DNAH7: variants seen among roughly 807,000 people sequenced by gnomAD.
The protein encoded by DNAH7 is dynein axonemal heavy chain 7, also known as axonemal beta dynein heavy chain 7.
In DNAH7, 397 loss-of-function variants were observed where a neutral mutation model predicts 444.6. That is an observed-to-expected ratio of 0.89 (90% CI 0.82 to 0.97). The LOEUF is 0.97. Ranked by LOEUF, DNAH7 falls within the 50% of genes least tolerant of loss-of-function variation. DNAH7 has a pLI of 0.00. For missense variants in DNAH7, 4,902 were observed against 4,800.8 expected (o/e 1.02, Z -0.62); for synonymous variants, 1,636 against 1,624.4 (o/e 1.01, Z -0.17).
chr2:195,757,155 A>C (rs1466857595), intron 61 of DNAH7, among the ~76,000 whole-genome samples: 2 of 152,176 alleles, frequency 1.3e-5, no homozygotes, highest in African/African-American at 2.4e-5. Context: ...TAATAGAAAA[A>C]TCTTAATCAA....
intron 24 of DNAH7, among the ~76,000 whole-genome samples, chr2:195,919,307 T>G (rs1288635770): frequency 6.6e-6 from 1 of 152,094 alleles, no homozygotes; most frequent in Non-Finnish European, 1.5e-5. Context: ...TTCTCTACTT[T>G]CTGCATAATT....
intron 48 of DNAH7, among the ~76,000 whole-genome samples, chr2:195,831,775 C>T (rs1176472167): frequency 1.3e-5 from 2 of 152,200 alleles, no homozygotes; most frequent in Non-Finnish European, 2.9e-5. Flanking sequence ...AGTTTCAGCA[C>T]TCCTCTTAAC....
chr2:195,785,101 CG>C (rs1376656010), intron 58 of DNAH7, among the ~76,000 whole-genome samples: 1 of 151,954 alleles, frequency 6.6e-6, no homozygotes, highest in Non-Finnish European at 1.5e-5. Flanking sequence ...TTAGTAGAGA[CG>C]GGGTTTCACC....
Position 195,737,835 on chromosome 2 carries a change from CAAAA to C in DNAH7, c.*82_*85del, listed in dbSNP as rs890091945. ...CTTTAGTCAAATGTATTTAAACAAA[CAAAA>C]AAAAAGGTTTAAGTAGTAAAATATG... On this transcript the variant is annotated 3_prime_UTR_variant, in exon 65 of 65. Transcript: ENST00000312428. 6.7e-6 allele frequency: 8 copies of C among 1,189,242 alleles called. No individual in the cohort carries two copies. The highest frequency in any genetic ancestry group is 2.2e-4 in the Middle Eastern group (1 of 4,566). The allele number at this position is 1,189,242 out of a possible 1,614,324, so 73.7% of individuals were successfully genotyped here. A position where few individuals can be genotyped will look rare whatever the true frequency, so the allele number is the denominator to read the frequency against.
chr2:195,858,041 ATTATT>A (rs1275007114), intron 43 of DNAH7, among the ~76,000 whole-genome samples: 1 of 152,120 alleles, frequency 6.6e-6, no homozygotes, highest in Admixed American at 6.6e-5. Context: ...AAAACACATT[ATTATT>A]TTATGTATCC....
chr2:195,980,061 C>CAAAAAAAA (rs59664135), intron 15 of DNAH7, among the ~76,000 whole-genome samples: 153 of 74,978 alleles, frequency 2.0e-3, no homozygotes, highest in African/African-American at 2.8e-3. Context: ...CAAACTAATA[C>CAAAAAAAA]AAAAAAAAAA....
At chr2:195,936,387 A>G (rs569817950) in intron 20 of DNAH7, among the ~76,000 whole-genome samples, 67 of 152,324 alleles carry the variant, frequency 4.4e-4, no homozygotes, top group Non-Finnish European at 8.7e-4. Context: ...AAACAAAAAA[A>G]CAAACAAAAA....
At chr2:195,781,859 A>T (rs1482086515) in intron 58 of DNAH7, among the ~76,000 whole-genome samples, 1 of 152,116 alleles carries the variant, frequency 6.6e-6, no homozygotes, top group Non-Finnish European at 1.5e-5. Flanking sequence ...TATTGTGTTT[A>T]TATATGTGTA....
chr2:195,884,823 A>G lies in DNAH7; in HGVS notation c.5539-14T>C. 6.3e-7 allele frequency: 1 copy of G among 1,590,270 alleles called. No individual in the cohort carries two copies. The highest frequency in any genetic ancestry group is 8.6e-7 in the Non-Finnish European group (1 of 1,162,698). On this transcript the variant is annotated splice_polypyrimidine_tract_variant and intron_variant, in intron 34 of 64. Transcript: ENST00000312428. Reference sequence around the variant, plus strand: ...CAGAAAAATGCCCTGCATTGGACAGATGAGAAGATTAAGAACAATTAAAGA... The same window carrying G: ...CAGAAAAATGCCCTGCATTGGACAGGTGAGAAGATTAAGAACAATTAAAGA...
At chr2:195,814,805 ATCACGAC>A (rs1697147301) in intron 51 of DNAH7, among the ~76,000 whole-genome samples, 1 of 151,750 alleles carries the variant, frequency 6.6e-6, no homozygotes, top group Non-Finnish European at 1.5e-5. Flanking sequence ...TGGTGGCACA[ATCACGAC>A]TCACTGCGGC....
At chr2:195,779,709 G>T (rs1695281834) in intron 58 of DNAH7, among the ~76,000 whole-genome samples, 1 of 152,000 alleles carries the variant, frequency 6.6e-6, no homozygotes, top group African/African-American at 2.4e-5. Flanking sequence ...GGGTTAAAGA[G>T]ATCCTCCTAC....
At chr2:195,764,342 T>C (rs1041348719) in intron 61 of DNAH7, among the ~76,000 whole-genome samples, 38 of 152,176 alleles carry the variant, frequency 2.5e-4, no homozygotes, top group Admixed American at 2.3e-3. Context: ...AACAAGGATG[T>C]CCACTTTCAC....
chr2:195,741,125 T>C (rs1170811507), intron 63 of DNAH7: 2 of 198,540 alleles, frequency 1.0e-5, no homozygotes, highest in African/African-American at 4.6e-5. Flanking sequence ...AACAGGTCTA[T>C]GGGAAGTTCT....
intron 61 of DNAH7, among the ~76,000 whole-genome samples, chr2:195,762,001 A>C (rs367669429): frequency 6.6e-6 from 1 of 152,212 alleles, no homozygotes; most frequent in East Asian, 1.9e-4. Flanking sequence ...TAAAAGATGA[A>C]CAAATAAAAA....
At chr2:195,884,114 T>C (rs781072036) in intron 35 of DNAH7, among the ~76,000 whole-genome samples, 2 of 152,232 alleles carry the variant, frequency 1.3e-5, no homozygotes, top group Non-Finnish European at 1.5e-5. Context: ...ACAATACTTG[T>C]GGGTGGGAGT....
At chr2:195,868,280 T>C (rs944440476) in intron 40 of DNAH7, among the ~76,000 whole-genome samples, 4 of 151,868 alleles carry the variant, frequency 2.6e-5, no homozygotes, top group African/African-American at 9.7e-5. Flanking sequence ...GTATTTTTAG[T>C]AGAGACAGGG....
At chr2:195,952,507 T>C (rs1478014630) in intron 19 of DNAH7, among the ~76,000 whole-genome samples, 2 of 152,172 alleles carry the variant, frequency 1.3e-5, no homozygotes, top group Non-Finnish European at 2.9e-5. Flanking sequence ...TCCTGGATAA[T>C]ATCCTGAAGA....
At chr2:195,936,839 AACTC>A in intron 19 of DNAH7, 47 bp from the exon 20 acceptor site, 1 of 1,269,066 alleles carries the variant, frequency 7.9e-7, no homozygotes. Flanking sequence ...ATTAGATACT[AACTC>A]TATTTATATT....
In DNAH7 at chr2:196,001,678, G is replaced by A. The variant is rs184314276; in HGVS notation, c.1170C>T (p.Pro390=). The change falls in exon 11 of 65, where the codon CCC becomes CCT. Residue 390 remains proline, a synonymous_variant. Transcript: ENST00000312428. ...MQDFTDLIAQ[P]PDSVRAFEHP... ...TGGTGAACTGAACCATACTTACTGG[G>A]GGTTGTGCAATTAAGTCCGTGAAAT... The A allele has an allele frequency of 7.3e-5, 114 of 1,556,480 alleles. 2 individuals are homozygous for A. In the Admixed American group the frequency reaches 1.9e-3, roughly 26 times the overall value.
Sources: allele counts gnomAD v4.1 joint callset (sites outside exome capture counted in the v4.1 genomes callset), GRCh38; gene constraint gnomAD v4.1.1; transcripts MANE v1.5; gene names NCBI Gene and HGNC (gene_info 2026-07-23, HGNC 2026-07-21).